The following FSTL4 variants were observed in gnomAD, a reference collection of about 807,000 sequenced individuals.
The protein encoded by FSTL4 is follistatin like 4.
Under a neutral mutation model 78.2 loss-of-function variants are expected in FSTL4, and 28 were observed. The observed-to-expected ratio is 0.36, with a 90% confidence interval of 0.27 to 0.49. The LOEUF (loss-of-function observed/expected upper bound fraction) is 0.49. FSTL4 is among the 20% of genes least tolerant of loss of function. FSTL4 has a pLI of 0.98. For missense variants in FSTL4, 922 were observed against 1,084.9 expected (o/e 0.85, Z 2.11); for synonymous variants, 422 against 440.5 (o/e 0.96, Z 0.53).
chr5:133,702,841 AGGCAG>A, the FSTL4 span, among the ~76,000 whole-genome samples: 1 of 152,172 alleles, frequency 6.6e-6, no homozygotes, highest in Non-Finnish European at 1.5e-5. Context: ...CTCACTGAAG[AGGCAG>A]GGCACTGGAG....
At chr5:133,841,124 A>G in the FSTL4 span, among the ~76,000 whole-genome samples, 1 of 152,236 alleles carries the variant, frequency 6.6e-6, no homozygotes, top group Non-Finnish European at 1.5e-5. Flanking sequence ...TGTCCACAAC[A>G]GTATCAGACT....
intron 3 of FSTL4, among the ~76,000 whole-genome samples, chr5:133,406,143 C>G (rs748036997): frequency 7.9e-5 from 12 of 152,188 alleles, no homozygotes; most frequent in Non-Finnish European, 1.3e-4. Flanking sequence ...GTCAGGGAAG[C>G]CTCTTTGAGG....
chr5:133,610,125 G>A (rs910654532), intron 1 of FSTL4, among the ~76,000 whole-genome samples: 2 of 152,080 alleles, frequency 1.3e-5, no homozygotes, highest in African/African-American at 4.8e-5. Flanking sequence ...AAAGTCCTAC[G>A]GCCCTTAGTA....
Position 133,571,928 on chromosome 5 carries a change from T to C in FSTL4, c.127-4709A>G, listed in dbSNP as rs373588961. Among the ~76,000 whole-genome samples the C allele has an allele frequency of 1.9e-3, 283 of 152,160 alleles. 2 individuals carry two copies. The highest frequency in any genetic ancestry group is 6.5e-3 in the African/African-American group (270 of 41,524). On this transcript the variant is annotated intron_variant, in intron 2 of 15. Transcript: ENST00000265342. ...ACATCATGAAGAGTTCTAACAAGCATGTAATTAAATTTTCAGAGTGAAAAT... is the reference window on the plus strand; with the variant it reads ...ACATCATGAAGAGTTCTAACAAGCACGTAATTAAATTTTCAGAGTGAAAAT...
chr5:133,240,249 C>T (rs549143605), intron 7 of FSTL4, among the ~76,000 whole-genome samples: 6 of 152,304 alleles, frequency 3.9e-5, no homozygotes, highest in Admixed American at 1.3e-4. Context: ...CGAGGGTCCG[C>T]GGCTTCATTC....
chr5:133,652,711 C>T, the FSTL4 span, among the ~76,000 whole-genome samples: 13 of 152,148 alleles, frequency 8.5e-5, no homozygotes, highest in Non-Finnish European at 1.6e-4. Flanking sequence ...TCCACATGAA[C>T]TTGAGAAGAC....
chr5:133,443,488 A>G (rs1757202029), intron 3 of FSTL4, among the ~76,000 whole-genome samples: 1 of 152,176 alleles, frequency 6.6e-6, no homozygotes, highest in Non-Finnish European at 1.5e-5. Context: ...CAAATGGTTA[A>G]CCCTTCAGGC....
At chr5:133,417,302 T>A (rs1223065048) in intron 3 of FSTL4, among the ~76,000 whole-genome samples, 6 of 148,842 alleles carry the variant, frequency 4.0e-5, no homozygotes, top group African/African-American at 1.5e-4. Context: ...CAAAGACAGG[T>A]CAATAATAAA....
the FSTL4 span, among the ~76,000 whole-genome samples, chr5:133,742,013 A>T: frequency 6.6e-6 from 1 of 152,244 alleles, no homozygotes; most frequent in African/African-American, 2.4e-5. Flanking sequence ...ACATTGCATG[A>T]ACTGGTGCTT....
rs79350552 is a variant in FSTL4, at chr5:133,512,783, G to A, written c.160+54403C>T. On this transcript the variant is annotated intron_variant, in intron 3 of 15. Coordinates refer to ENST00000265342, the MANE Select transcript of FSTL4 (RefSeq NM_015082.2). ...AGTTGCCAACAGGGAGGTAGGACTG[G>A]GTGGAAAGGTGATGCCCAGAGACTG... Among the ~76,000 whole-genome samples, 280 of 152,118 alleles carry A rather than the reference G, an allele frequency of 1.8e-3. 1 individual carries two copies. The highest frequency in any genetic ancestry group is 6.4e-3 in the African/African-American group (267 of 41,514).
intron 5 of FSTL4, among the ~76,000 whole-genome samples, chr5:133,316,072 C>T (rs567232810): frequency 6.6e-6 from 1 of 152,330 alleles, no homozygotes; most frequent in South Asian, 2.1e-4. Flanking sequence ...TCTTTGGATA[C>T]TAAGGAGCAG....
chr5:133,274,015 C>T (rs1752824749), intron 6 of FSTL4, among the ~76,000 whole-genome samples: 1 of 152,228 alleles, frequency 6.6e-6, no homozygotes, highest in African/African-American at 2.4e-5. Context: ...ACAAAGTCTT[C>T]CATGATGAGA....
chr5:133,341,434 G>A (rs1418948874), intron 4 of FSTL4, among the ~76,000 whole-genome samples: 2 of 152,020 alleles, frequency 1.3e-5, no homozygotes, highest in African/African-American at 2.4e-5. Flanking sequence ...CCCAGAACAC[G>A]GCTTCTCCTG....
chr5:133,345,642 A>T (rs1236927641), intron 4 of FSTL4, among the ~76,000 whole-genome samples: 1 of 152,210 alleles, frequency 6.6e-6, no homozygotes, highest in African/African-American at 2.4e-5. Context: ...ATATGAAAAA[A>T]AGCTCATCAT....
At chr5:133,251,518 C>T (rs1417681386) in intron 6 of FSTL4, among the ~76,000 whole-genome samples, 1 of 152,076 alleles carries the variant, frequency 6.6e-6, no homozygotes, top group Non-Finnish European at 1.5e-5. Context: ...ACCAGGCCTC[C>T]TAGATCACTG....
the FSTL4 span, among the ~76,000 whole-genome samples, chr5:133,727,508 C>T: frequency 1.3e-5 from 2 of 152,156 alleles, no homozygotes; most frequent in Non-Finnish European, 2.9e-5. Flanking sequence ...TGGTGTGAGG[C>T]TAACTGTAAA....
the FSTL4 span, among the ~76,000 whole-genome samples, chr5:133,724,117 T>A: frequency 6.6e-6 from 1 of 152,108 alleles, no homozygotes; most frequent in African/African-American, 2.4e-5. Context: ...GGGGGCACAG[T>A]GGAGGTTGGG....
chr5:133,643,009 A>AAAATGTAT, the FSTL4 span, among the ~76,000 whole-genome samples: 4 of 152,232 alleles, frequency 2.6e-5, no homozygotes, highest in Non-Finnish European at 2.9e-5. Flanking sequence ...GTAACCTTAG[A>AAAATGTAT]AAATGTATGT....
At chr5:133,670,352 C>A in the FSTL4 span, among the ~76,000 whole-genome samples, 2 of 152,342 alleles carry the variant, frequency 1.3e-5, no homozygotes, top group African/African-American at 4.8e-5. Context: ...AACTACTAAG[C>A]TGTCTACATC....
Sources: allele counts gnomAD v4.1 joint callset (sites outside exome capture counted in the v4.1 genomes callset), GRCh38; gene constraint gnomAD v4.1.1; transcripts MANE v1.5; gene names NCBI Gene and HGNC (gene_info 2026-07-23, HGNC 2026-07-21).